ADGB: variants seen among roughly 807,000 people sequenced by gnomAD.
ADGB encodes the protein androglobin, also known as calpain-7-like protein.
ADGB carries 172 observed loss-of-function variants against 210.5 expected under a neutral mutation model. That is an observed-to-expected ratio of 0.82 (90% CI 0.72 to 0.93). ADGB has a LOEUF of 0.93. Among genes scored for constraint, ADGB ranks in the 40% least tolerant of loss-of-function variants. ADGB has a pLI of 0.00. For synonymous variants in ADGB, 658 were observed against 662.7 expected, an observed-to-expected ratio of 0.99 and a Z score of 0.11; for missense variants, 2,025 against 1,964.8, an observed-to-expected ratio of 1.03 and a Z score of -0.58.
At chr6:146,781,608 A>G (rs1777801355) in intron 29 of ADGB, among the ~76,000 whole-genome samples, 1 of 152,106 alleles carries the variant, frequency 6.6e-6, no homozygotes. Context: ...CTAGAAAAAG[A>G]AGAGATAACT....
At chr6:146,618,925 C>A (rs915819367) in intron 1 of ADGB, among the ~76,000 whole-genome samples, 1 of 151,988 alleles carries the variant, frequency 6.6e-6, no homozygotes, top group Admixed American at 6.6e-5. Context: ...TCTAGATCAT[C>A]TGTCCAATGC....
chr6:146,701,186 A>G (rs1776484634), intron 13 of ADGB, 116 bp downstream of exon 13: 1 of 1,164,682 alleles, frequency 8.6e-7, no homozygotes, highest in Non-Finnish European at 1.2e-6. Flanking sequence ...TGAACAGTAT[A>G]AAGAATAGTG....
intron 29 of ADGB, among the ~76,000 whole-genome samples, chr6:146,775,943 C>T: frequency 6.6e-6 from 1 of 151,886 alleles, no homozygotes; most frequent in Admixed American, 6.6e-5. Flanking sequence ...CAAATTCCAA[C>T]CTGATTTTAT....
At chr6:146,610,848 G>T (rs964475078) in intron 1 of ADGB, among the ~76,000 whole-genome samples, 2 of 152,136 alleles carry the variant, frequency 1.3e-5, no homozygotes, top group Non-Finnish European at 2.9e-5. Context: ...AAGTTGTCAG[G>T]GTCCACATGC....
chr6:146,695,258 G>A (rs1354107749), intron 12 of ADGB, among the ~76,000 whole-genome samples: 2 of 152,000 alleles, frequency 1.3e-5, no homozygotes, highest in African/African-American at 2.4e-5. Context: ...AATATTGTCT[G>A]CTTCCAATAG....
chr6:146,686,766 C>CT (rs1390011188), intron 10 of ADGB, among the ~76,000 whole-genome samples: 1 of 152,046 alleles, frequency 6.6e-6, no homozygotes, highest in Non-Finnish European at 1.5e-5. Flanking sequence ...ACATCTAACA[C>CT]TTTGTTACTA....
chr6:146,644,980 T>TA (rs1375948604), intron 3 of ADGB, 115 bp downstream of exon 3: 1 of 534,884 alleles, frequency 1.9e-6, no homozygotes, highest in Non-Finnish European at 3.1e-6. Flanking sequence ...TGGTATTCAG[T>TA]AAAAAAGTAA....
At chr6:146,758,731 A>C (rs776809604) in intron 27 of ADGB, among the ~76,000 whole-genome samples, 1 of 151,966 alleles carries the variant, frequency 6.6e-6, no homozygotes, top group African/African-American at 2.4e-5. Flanking sequence ...CTCAAAACAC[A>C]CAGAAATCAC....
At chr6:146,659,620 T>C (rs1013911383) in intron 5 of ADGB, among the ~76,000 whole-genome samples, 5 of 152,224 alleles carry the variant, frequency 3.3e-5, no homozygotes, top group African/African-American at 1.2e-4. Context: ...AGTATTTTTA[T>C]TATTTCCAGT....
chr6:146,746,138 C>T (rs1777232214), intron 26 of ADGB, 29 bp downstream of exon 26: 3 of 1,402,022 alleles, frequency 2.1e-6, no homozygotes, highest in African/African-American at 1.5e-5. Flanking sequence ...AGGGGAAAGG[C>T]ATTTTTTAAA....
At chr6:146,654,549 C>T (rs1387145516) in intron 4 of ADGB, among the ~76,000 whole-genome samples, 1 of 151,944 alleles carries the variant, frequency 6.6e-6, no homozygotes, top group Non-Finnish European at 1.5e-5. Context: ...GACGAGATCG[C>T]ACCACATTGC....
At chr6:146,631,977 AAC>A (rs1275539375) in intron 1 of ADGB, among the ~76,000 whole-genome samples, 1 of 151,672 alleles carries the variant, frequency 6.6e-6, no homozygotes, top group African/African-American at 2.4e-5. Context: ...AAAAAAAAAA[AAC>A]AAAAAAAACC....
intron 28 of ADGB, among the ~76,000 whole-genome samples, chr6:146,765,800 T>C (rs575592282): frequency 6.6e-6 from 1 of 151,568 alleles, no homozygotes; most frequent in South Asian, 2.1e-4. Flanking sequence ...TAAAAACAAA[T>C]GAGCTAAGCT....
At chr6:146,684,660 T>C (rs1776198429) in intron 9 of ADGB, among the ~76,000 whole-genome samples, 1 of 152,118 alleles carries the variant, frequency 6.6e-6, no homozygotes, top group Non-Finnish European at 1.5e-5. Flanking sequence ...TATCACACAA[T>C]ACACAGTACC....
chr6:146,703,199 T>C (rs1334339753), intron 13 of ADGB, among the ~76,000 whole-genome samples: 4 of 151,928 alleles, frequency 2.6e-5, no homozygotes, highest in Admixed American at 1.3e-4. Context: ...TTATTAGATA[T>C]GTATTTCATA....
intron 28 of ADGB, among the ~76,000 whole-genome samples, chr6:146,768,019 C>A (rs1400459941): frequency 6.6e-6 from 1 of 152,040 alleles, no homozygotes; most frequent in Non-Finnish European, 1.5e-5. Flanking sequence ...AGGAATTAAC[C>A]AAAAATATAT....
At chr6:146,697,849 T>C (rs1776428731) in intron 12 of ADGB, among the ~76,000 whole-genome samples, 1 of 152,152 alleles carries the variant, frequency 6.6e-6, no homozygotes, top group South Asian at 2.1e-4. Flanking sequence ...AGACACATCA[T>C]AGTAAAGCCA....
At chr6:146,715,681 A>G (rs1776722257) in intron 14 of ADGB, among the ~76,000 whole-genome samples, 1 of 152,216 alleles carries the variant, frequency 6.6e-6, no homozygotes, top group African/African-American at 2.4e-5. Flanking sequence ...TCGAAACACT[A>G]AAACCACTGC....
rs1175985674 is a variant in ADGB at position 146,801,849 on chromosome 6, G to A, written c.4656G>A (p.Leu1552=). 7 of 1,546,832 alleles carry A rather than the reference G, an allele frequency of 4.5e-6. No individual in the cohort carries two copies. The highest frequency in any genetic ancestry group is 2.4e-5 in the South Asian group (2 of 83,228). The change falls in exon 35 of 36, where the codon CTG becomes CTA. Residue 1552 remains leucine, a synonymous_variant. Transcript: ENST00000397944. The part of the protein sequence containing the change: ...QYVRKTDTDP[L]LQTDELNQQQ... Reference sequence around the variant, plus strand: ...CAAGGAAAACAGATACAGATCCTCTGCTGCAAACAGATGAATTGAATCAGC... The same window carrying A: ...CAAGGAAAACAGATACAGATCCTCTACTGCAAACAGATGAATTGAATCAGC...
Sources: gnomAD v4.1 joint callset for allele counts (sites outside exome capture counted in the v4.1 genomes callset) on GRCh38, gnomAD v4.1.1 for gene constraint, MANE v1.5 for transcripts, NCBI Gene and HGNC (gene_info 2026-07-23, HGNC 2026-07-21) for gene names.